The following TMC1 variants were observed in gnomAD, a reference collection of about 807,000 sequenced individuals.
The protein encoded by TMC1 is transmembrane channel-like protein 1.
TMC1 carries 84 observed loss-of-function variants against 105.8 expected under a neutral mutation model. The ratio of observed to expected loss-of-function variants is 0.79; its 90% CI spans 0.67 to 0.95. The LOEUF (loss-of-function observed/expected upper bound fraction) is 0.95, where lower values mean the gene tolerates loss of function less well. Among genes scored for constraint, TMC1 ranks in the 40% least tolerant of loss-of-function variants. The pLI is 0.00. For synonymous variants in TMC1, 315 were observed against 311.5 expected, an observed-to-expected ratio of 1.01 and a Z score of -0.12; for missense variants, 817 against 914.1, an observed-to-expected ratio of 0.89 and a Z score of 1.37.
chr9:72,580,898 A>G (rs1824464793), intron 2 of TMC1, among the ~76,000 whole-genome samples: 1 of 152,180 alleles, frequency 6.6e-6, no homozygotes, highest in Non-Finnish European at 1.5e-5. Flanking sequence ...GGGTTAAATG[A>G]TGTCCAAGTC....
At chr9:72,615,802 G>A (rs770701530) in intron 2 of TMC1, among the ~76,000 whole-genome samples, 35 of 150,030 alleles carry the variant, frequency 2.3e-4, no homozygotes, top group Admixed American at 6.7e-5. Flanking sequence ...CGCTCGGGCT[G>A]GAGTTCAATG....
chr9:72,823,722 T>C (rs1485879337), intron 20 of TMC1, among the ~76,000 whole-genome samples: 2 of 152,220 alleles, frequency 1.3e-5, no homozygotes, highest in Non-Finnish European at 2.9e-5. Context: ...TGATGTTTCC[T>C]CCCATCTATG....
intron 3 of TMC1, among the ~76,000 whole-genome samples, chr9:72,623,191 G>A (rs1250778280): frequency 1.1e-5 from 1 of 87,958 alleles, no homozygotes; most frequent in South Asian, 3.4e-4. Context: ...CATCTTTGCT[G>A]TAATTGCTCA....
At position 72,837,489 on chromosome 9, in the gene TMC1, C is replaced by G. The variant is rs1166434087; in HGVS notation, c.*1516C>G. 14 of 152,132 alleles carry G rather than the reference C, an allele frequency of 9.2e-5. No individual in the cohort carries two copies. The highest frequency in any genetic ancestry group is 3.4e-4 in the African/African-American group (14 of 41,434). The allele number at this position is 152,132 out of a possible 1,614,324, so 9.4% of individuals were successfully genotyped here. A position where few individuals can be genotyped will look rare whatever the true frequency, so the allele number is the denominator to read the frequency against. ...TAACTACCTACTCTAACAATCATAT[C>G]CTGTAAGCTTGGATTCTAATGTTCT... On this transcript the variant is annotated 3_prime_UTR_variant, in exon 24 of 24. Coordinates refer to ENST00000297784, the MANE Select transcript of TMC1 (RefSeq NM_138691.3).
At chr9:72,698,734 A>T (rs915785355) in intron 7 of TMC1, among the ~76,000 whole-genome samples, 4 of 152,216 alleles carry the variant, frequency 2.6e-5, no homozygotes, top group African/African-American at 7.2e-5. Flanking sequence ...TGTAGCGTAG[A>T]GGAAAGACCC....
chr9:72,631,519 A>G (rs1261118851), intron 4 of TMC1, among the ~76,000 whole-genome samples: 1 of 152,202 alleles, frequency 6.6e-6, no homozygotes, highest in Non-Finnish European at 1.5e-5. Context: ...ACAATCTACA[A>G]ATTGCTATGT....
chr9:72,801,607 C>A (rs573626907), intron 17 of TMC1, among the ~76,000 whole-genome samples: 1 of 152,176 alleles, frequency 6.6e-6, no homozygotes, highest in South Asian at 2.1e-4. Flanking sequence ...TTCCCTTCAC[C>A]TATTAATAAA....
intron 4 of TMC1, among the ~76,000 whole-genome samples, chr9:72,641,414 T>G (rs1051819312): frequency 6.6e-6 from 1 of 152,144 alleles, no homozygotes; most frequent in East Asian, 1.9e-4. Flanking sequence ...TTTATGACAA[T>G]GCCAAATATA....
intron 3 of TMC1, among the ~76,000 whole-genome samples, chr9:72,624,744 G>C (rs1329118011): frequency 6.6e-6 from 1 of 152,226 alleles, no homozygotes; most frequent in Non-Finnish European, 1.5e-5. Context: ...CTGTGGAACA[G>C]ATTCAGGTGG....
chr9:72,547,369 TGAA>T (rs1314210872), intron 1 of TMC1, among the ~76,000 whole-genome samples: 1 of 151,398 alleles, frequency 6.6e-6, no homozygotes, highest in Non-Finnish European at 1.5e-5. Flanking sequence ...AAATCATACA[TGAA>T]GAAACATTTC....
chr9:72,772,562 T>C lies in TMC1; in HGVS notation c.884+7T>C. The stretch of plus-strand genomic sequence containing the variant: ...TTCTGGTTGTCCTCAAAGCGTAAGT[T>C]TCATTTGTCTTTTGGGAAGCAAATA... On this transcript the variant is annotated splice_region_variant and intron_variant, in intron 13 of 23. Coordinates refer to ENST00000297784, the MANE Select transcript of TMC1 (RefSeq NM_138691.3). 3.1e-6 allele frequency: 5 copies of C among 1,613,832 alleles called. No homozygotes were observed. Among genetic ancestry groups the C allele is most frequent in the Non-Finnish European group, 4.2e-6 (5 of 1,179,718 alleles).
chr9:72,788,578 T>TGTCAAGA, intron 14 of TMC1, 95 bp downstream of exon 14: 1 of 1,312,208 alleles, frequency 7.6e-7, no homozygotes, highest in Non-Finnish European at 1.1e-6. Flanking sequence ...TCTTGACAAT[T>TGTCAAGA]TACATGAAAG....
intron 10 of TMC1, among the ~76,000 whole-genome samples, chr9:72,749,862 A>G (rs1827550183): frequency 6.6e-6 from 1 of 152,090 alleles, no homozygotes; most frequent in African/African-American, 2.4e-5. Flanking sequence ...TAATCCCAGC[A>G]CTTTGGGAGG....
intron 2 of TMC1, among the ~76,000 whole-genome samples, chr9:72,603,573 T>C (rs147115385): frequency 1.1e-3 from 174 of 152,210 alleles, no homozygotes; most frequent in African/African-American, 3.9e-3. Flanking sequence ...GTTGTTGTTG[T>C]TGCTGTTTTT....
intron 8 of TMC1, among the ~76,000 whole-genome samples, chr9:72,733,757 C>T (rs140335343): frequency 8.3e-4 from 126 of 152,254 alleles, no homozygotes; most frequent in African/African-American, 2.8e-3. Context: ...TGAAGTACAA[C>T]AGAAAAACTA....
intron 5 of TMC1, among the ~76,000 whole-genome samples, chr9:72,665,202 C>T (rs534382186): frequency 1.3e-5 from 2 of 152,218 alleles, no homozygotes; most frequent in East Asian, 1.9e-4. Context: ...TTATGTGGTA[C>T]GTGACTGTAT....
intron 5 of TMC1, among the ~76,000 whole-genome samples, chr9:72,676,951 G>A (rs917486632): frequency 6.7e-6 from 1 of 148,752 alleles, no homozygotes; most frequent in Non-Finnish European, 1.5e-5. Flanking sequence ...TAATGAACCT[G>A]ATCTCTCTCT....
At chr9:72,662,385 C>T in intron 5 of TMC1, among the ~76,000 whole-genome samples, 1 of 148,866 alleles carries the variant, frequency 6.7e-6, no homozygotes. Flanking sequence ...TTAGTAGAGG[C>T]AGGGTTTCAC....
At chr9:72,605,938 A>C (rs974724336) in intron 2 of TMC1, among the ~76,000 whole-genome samples, 1 of 152,150 alleles carries the variant, frequency 6.6e-6, no homozygotes, top group African/African-American at 2.4e-5. Context: ...CCTGTCTCCA[A>C]ATATAGTCAC....
Sources: gnomAD v4.1 joint callset for allele counts (sites outside exome capture counted in the v4.1 genomes callset) on GRCh38, gnomAD v4.1.1 for gene constraint, MANE v1.5 for transcripts, NCBI Gene and HGNC (gene_info 2026-07-23, HGNC 2026-07-21) for gene names.